Variants in PXDNL observed in about 807,000 individuals in gnomAD.
PXDNL encodes the protein peroxidasin like.
PXDNL carries 145 observed loss-of-function variants against 150.8 expected under a neutral mutation model. That is an observed-to-expected ratio of 0.96 (90% CI 0.84 to 1.10). The LOEUF is 1.10. Among genes scored for constraint, PXDNL ranks in the 50% least tolerant of loss-of-function variants. The pLI, the probability that PXDNL is intolerant of heterozygous loss-of-function variation, is 0.00. For synonymous variants in PXDNL, 757 were observed against 725.7 expected (o/e 1.04, Z -0.69); for missense variants, 2,087 against 1,873.9 (o/e 1.11, Z -2.10).
chr8:51,430,353 T>G (rs1809220635), intron 12 of PXDNL, among the ~76,000 whole-genome samples: 1 of 152,156 alleles, frequency 6.6e-6, no homozygotes, highest in Admixed American at 6.6e-5. Flanking sequence ...ATCCAATCCT[T>G]CAGGATGAAT....
intron 17 of PXDNL, among the ~76,000 whole-genome samples, chr8:51,382,051 A>G (rs567414053): frequency 6.6e-6 from 1 of 152,220 alleles, no homozygotes; most frequent in Non-Finnish European, 1.5e-5. Flanking sequence ...TTAACCCAGG[A>G]TGGTCTCGAT....
At chr8:51,803,255 C>T (rs969860977) in intron 1 of PXDNL, among the ~76,000 whole-genome samples, 4 of 152,144 alleles carry the variant, frequency 2.6e-5, no homozygotes, top group Non-Finnish European at 4.4e-5. Flanking sequence ...CAGTTACTTG[C>T]TTATATCAAT....
chr8:51,434,841 A>C (rs1169744949), intron 12 of PXDNL, among the ~76,000 whole-genome samples: 3 of 152,228 alleles, frequency 2.0e-5, no homozygotes, highest in African/African-American at 7.2e-5. Flanking sequence ...TCTTGATTTT[A>C]GCATTCTATA....
At chr8:51,489,881 C>G (rs1810850583) in intron 5 of PXDNL, among the ~76,000 whole-genome samples, 1 of 152,016 alleles carries the variant, frequency 6.6e-6, no homozygotes, top group African/African-American at 2.4e-5. Context: ...TCCAGCAGAA[C>G]AAAGAAGTAA....
chr8:51,387,252 G>C (rs368246500), intron 17 of PXDNL, among the ~76,000 whole-genome samples: 1 of 152,146 alleles, frequency 6.6e-6, no homozygotes, highest in Non-Finnish European at 1.5e-5. Context: ...TCTTCATTTC[G>C]TTTCTCCAGC....
At chr8:51,321,463 C>T (rs996891250) in intron 21 of PXDNL, among the ~76,000 whole-genome samples, 1 of 151,958 alleles carries the variant, frequency 6.6e-6, no homozygotes, top group Non-Finnish European at 1.5e-5. Flanking sequence ...GCTTTGTGTC[C>T]CCACCCAATC....
intron 1 of PXDNL, among the ~76,000 whole-genome samples, chr8:51,678,079 T>C (rs1330283142): frequency 1.3e-5 from 2 of 152,178 alleles, no homozygotes; most frequent in African/African-American, 4.8e-5. Context: ...TCACAGAACA[T>C]CGTGTATGAA....
chr8:51,601,529 T>C (rs1349166414), intron 2 of PXDNL, among the ~76,000 whole-genome samples: 1 of 152,018 alleles, frequency 6.6e-6, no homozygotes, highest in Non-Finnish European at 1.5e-5. Context: ...TTATCTGATA[T>C]AAGAATAGCA....
rs542837478 is a variant in PXDNL at position 51,649,399 on chromosome 8, C to T, written c.236+5290G>A. ...TTTAACCTGTAATTATAACAATTTT[C>T]CTTTTAAATCTTGTCTAGAGCTGAA... On this transcript the variant is annotated intron_variant, in intron 2 of 22. Transcript: ENST00000356297. Among the ~76,000 whole-genome samples the T allele has an allele frequency of 1.6e-4, 25 of 152,234 alleles. 1 individual carries two copies. The East Asian group carries it at 4.3e-3, about 26-fold the overall frequency.
At chr8:51,695,437 G>T (rs888504820) in intron 1 of PXDNL, among the ~76,000 whole-genome samples, 1 of 151,936 alleles carries the variant, frequency 6.6e-6, no homozygotes, top group African/African-American at 2.4e-5. Flanking sequence ...ATTATATCAG[G>T]GAGACAGATC....
intron 4 of PXDNL, among the ~76,000 whole-genome samples, chr8:51,527,704 A>C (rs2130414293): frequency 6.6e-6 from 1 of 152,314 alleles, no homozygotes; most frequent in Non-Finnish European, 1.5e-5. Flanking sequence ...TATAACCTAC[A>C]TGTAGGAGAG....
chr8:51,356,786 A>G lies in PXDNL; in HGVS notation c.3902-10839T>C, dbSNP rs529609292. Among the ~76,000 whole-genome samples, 20 of 152,282 alleles carry G rather than the reference A, an allele frequency of 1.3e-4. No individual in the cohort carries two copies. In the South Asian group the frequency reaches 3.7e-3, roughly 28 times the overall value. On this transcript the variant is annotated intron_variant, in intron 19 of 22. Transcript: ENST00000356297. ...TCCCTTTTCCTTAAAAGAAAATCCAATCAAACAACATTTTGAACACTTGCT... is the reference window on the plus strand; with the variant it reads ...TCCCTTTTCCTTAAAAGAAAATCCAGTCAAACAACATTTTGAACACTTGCT...
At chr8:51,595,154 G>T (rs1170941091) in intron 2 of PXDNL, among the ~76,000 whole-genome samples, 1 of 152,062 alleles carries the variant, frequency 6.6e-6, no homozygotes, top group African/African-American at 2.4e-5. Flanking sequence ...AAACTTTTGG[G>T]GTAAAAGAGG....
chr8:51,706,948 GA>G (rs34033369), intron 1 of PXDNL, among the ~76,000 whole-genome samples: 124,556 of 151,126 alleles, frequency 0.82, 51,129 homozygotes, highest in African/African-American at 0.87. Flanking sequence ...GTTTTCAGCA[GA>G]AAAAAAATGC....
Position 51,638,619 on chromosome 8 carries a change from A to G in PXDNL, c.236+16070T>C, listed in dbSNP as rs575932089. On this transcript the variant is annotated intron_variant, in intron 2 of 22. Coordinates refer to ENST00000356297, the MANE Select transcript of PXDNL (RefSeq NM_144651.5). ...GAGACAAAGAAGGCCATTACATAACAGTAAAGGGATCAATTCAACAAGAAG... is the reference window on the plus strand; with the variant it reads ...GAGACAAAGAAGGCCATTACATAACGGTAAAGGGATCAATTCAACAAGAAG... Among the ~76,000 whole-genome samples the G allele has an allele frequency of 3.2e-3, 493 of 152,064 alleles. 5 individuals carry two copies. Among genetic ancestry groups the G allele is most frequent in the African/African-American group, 9.8e-3 (406 of 41,392 alleles).
intron 4 of PXDNL, among the ~76,000 whole-genome samples, chr8:51,535,105 C>T (rs1324594398): frequency 1.7e-5 from 2 of 120,868 alleles, no homozygotes; most frequent in African/African-American, 8.1e-5. Flanking sequence ...GGGGGGTCAG[C>T]CCCCCGCCCG....
At chr8:51,799,450 A>G in intron 1 of PXDNL, among the ~76,000 whole-genome samples, 1 of 152,244 alleles carries the variant, frequency 6.6e-6, no homozygotes, top group East Asian at 1.9e-4. Context: ...ACAAGTAAAT[A>G]AAATAATTAT....
At chr8:51,657,497 C>T (rs181270134) in intron 1 of PXDNL, among the ~76,000 whole-genome samples, 133 of 152,244 alleles carry the variant, frequency 8.7e-4, no homozygotes, top group African/African-American at 3.1e-3. Context: ...CAGACCACAC[C>T]GTTCCTTTAT....
At chr8:51,644,442 A>G (rs1418714556) in intron 2 of PXDNL, among the ~76,000 whole-genome samples, 2 of 145,792 alleles carry the variant, frequency 1.4e-5, no homozygotes, top group African/African-American at 5.0e-5. Flanking sequence ...GTGTGTGTAT[A>G]TATATATGGG....
Sources: gnomAD v4.1 joint callset for allele counts (sites outside exome capture counted in the v4.1 genomes callset) on GRCh38, gnomAD v4.1.1 for gene constraint, MANE v1.5 for transcripts, NCBI Gene and HGNC (gene_info 2026-07-23, HGNC 2026-07-21) for gene names.